The following GPR83 variants were observed in gnomAD, a reference collection of about 807,000 sequenced individuals.
GPR83 encodes the protein G protein-coupled receptor 83.
A neutral mutation model predicts 28.0 loss-of-function variants in GPR83; 23 were observed. The observed-to-expected ratio is 0.82, with a 90% CI of 0.59 to 1.16. GPR83 has a LOEUF of 1.16. Ranked by LOEUF, GPR83 falls within the 50% of genes most tolerant of loss-of-function variation. The pLI is 0.00. For synonymous variants in GPR83, 234 were observed against 215.4 expected (o/e 1.09, Z -0.76); for missense variants, 610 against 536.6 (o/e 1.14, Z -1.35).
intron 3 of GPR83, among the ~76,000 whole-genome samples, chr11:94,389,873 A>G (rs1472442014): frequency 6.6e-6 from 1 of 152,234 alleles, no homozygotes; most frequent in African/African-American, 2.4e-5. Context: ...ATGCAGACGT[A>G]TGATTATTGC....
intron 3 of GPR83, among the ~76,000 whole-genome samples, chr11:94,391,304 A>G (rs1944814538): frequency 6.6e-6 from 1 of 152,128 alleles, no homozygotes. Flanking sequence ...CCCTCTTTAC[A>G]CCTTATACAA....
rs1944815899 is a variant in GPR83, at chr11:94,391,455, C to G, written c.647+2030G>C. Among the ~76,000 whole-genome samples, 4 of 152,188 alleles carry G rather than the reference C, an allele frequency of 2.6e-5. No individual in the cohort carries two copies. In the South Asian group the frequency reaches 8.3e-4, roughly 32 times the overall value. On this transcript the variant is annotated intron_variant, in intron 3 of 3. Transcript: ENST00000243673. ...ATACCAAAAGCAATGGCAACAAAAG[C>G]CTAAATAGACAAATGGGATCTAATT...
chr11:94,393,232 T>C (rs1213784631), intron 3 of GPR83, among the ~76,000 whole-genome samples: 1 of 152,168 alleles, frequency 6.6e-6, no homozygotes, highest in Non-Finnish European at 1.5e-5. Flanking sequence ...CTGATAATTA[T>C]TGCTTTGTCC....
At chr11:94,395,402 C>T (rs1257377344) in intron 2 of GPR83, among the ~76,000 whole-genome samples, 1 of 152,196 alleles carries the variant, frequency 6.6e-6, no homozygotes, top group African/African-American at 2.4e-5. Context: ...CCTCATAATA[C>T]TGGCCTTGTA....
In GPR83 at chr11:94,380,532, C is replaced by G. The variant is rs774105447; in HGVS notation, c.889G>C (p.Val297Leu). The G allele has an allele frequency of 1.2e-6, 2 of 1,614,196 alleles. No homozygotes were observed. The highest frequency in any genetic ancestry group is 2.2e-5 in the East Asian group (1 of 44,886). ...KKKTIKMLML[V>L]VVLFALCWFP... Reference sequence around the variant, plus strand: ...CAGCAGAGGGCAAAGAGGACTACCACCAGCATCAACATCTTGATGGTCTTC... The same window carrying G: ...CAGCAGAGGGCAAAGAGGACTACCAGCAGCATCAACATCTTGATGGTCTTC... The change falls in exon 4 of 4, where the codon GTG becomes CTG. Residue 297 changes from valine to leucine, a missense_variant. Coordinates refer to ENST00000243673, the MANE Select transcript of GPR83 (RefSeq NM_016540.4).
chr11:94,387,686 A>G (rs1312877309), intron 3 of GPR83, among the ~76,000 whole-genome samples: 2 of 152,196 alleles, frequency 1.3e-5, no homozygotes, highest in East Asian at 3.8e-4. Context: ...GCAATAATTA[A>G]TAGCCTACCA....
At chr11:94,398,287 A>C (rs1283905395) in intron 1 of GPR83, among the ~76,000 whole-genome samples, 1 of 152,100 alleles carries the variant, frequency 6.6e-6, no homozygotes, top group African/African-American at 2.4e-5. Flanking sequence ...CAGAGTATCC[A>C]GGCCCCTTCA....
At chr11:94,394,433 A>G (rs954123807) in intron 2 of GPR83, among the ~76,000 whole-genome samples, 1 of 152,224 alleles carries the variant, frequency 6.6e-6, no homozygotes, top group Non-Finnish European at 1.5e-5. Flanking sequence ...ACTGTATATC[A>G]ATCAATTATC....
Position 94,388,685 on chromosome 11 carries a change from A to C in GPR83, c.647+4800T>G, listed in dbSNP as rs1944783744. Among the ~76,000 whole-genome samples the C allele has an allele frequency of 2.6e-5, 4 of 152,230 alleles. No homozygotes were observed. The South Asian group carries it at 8.3e-4, about 31-fold the overall frequency. ...AAGGAAATAAAAGAGGATACAAACA[A>C]ATGGAAGAATATTCCATGCTCGTGG... is the stretch of plus-strand genomic sequence containing the variant. On this transcript the variant is annotated intron_variant, in intron 3 of 3. Coordinates refer to ENST00000243673, the MANE Select transcript of GPR83 (RefSeq NM_016540.4).
At position 94,384,713 on chromosome 11, in the gene GPR83, G is replaced by C. The variant is rs889343864; in HGVS notation, c.648-3940C>G. On this transcript the variant is annotated intron_variant, in intron 3 of 3. Transcript: ENST00000243673. ...ACAAAGCGGCCAGGAAGCTTGAATT[G>C]GGTGGAGCCCACTGCAGCTCAAGGA... is the stretch of plus-strand genomic sequence containing the variant. Among the ~76,000 whole-genome samples, 243 of 152,222 alleles carry C rather than the reference G, an allele frequency of 1.6e-3. 3 individuals carry two copies. Among genetic ancestry groups the C allele is most frequent in the Admixed American group, 0.016 (242 of 15,282 alleles).
chr11:94,389,200 A>G (rs1944789696), intron 3 of GPR83, among the ~76,000 whole-genome samples: 1 of 152,230 alleles, frequency 6.6e-6, no homozygotes, highest in African/African-American at 2.4e-5. Flanking sequence ...CTTAAATGTT[A>G]GACCTAAAAC....
chr11:94,389,619 G>C (rs1193809597), intron 3 of GPR83, among the ~76,000 whole-genome samples: 3 of 152,190 alleles, frequency 2.0e-5, no homozygotes, highest in Non-Finnish European at 4.4e-5. Context: ...ACCACAATGA[G>C]ATACCATCTC....
At chr11:94,394,878 T>C (rs1414457464) in intron 2 of GPR83, among the ~76,000 whole-genome samples, 1 of 152,214 alleles carries the variant, frequency 6.6e-6, no homozygotes, top group Non-Finnish European at 1.5e-5. Flanking sequence ...AGCAAGGCTT[T>C]GCCCCCACTC....
intron 3 of GPR83, among the ~76,000 whole-genome samples, chr11:94,389,855 A>G (rs1273586643): frequency 6.6e-6 from 1 of 152,250 alleles, no homozygotes; most frequent in Non-Finnish European, 1.5e-5. Flanking sequence ...CTGCTGCTAT[A>G]AAGACACATG....
intron 3 of GPR83, among the ~76,000 whole-genome samples, chr11:94,383,073 G>A (rs566318906): frequency 1.3e-5 from 2 of 151,842 alleles, no homozygotes; most frequent in Non-Finnish European, 2.9e-5. Context: ...GAGGCTGAGG[G>A]AGGAGAGGTG....
chr11:94,382,977 A>T (rs532127673), intron 3 of GPR83, among the ~76,000 whole-genome samples: 1 of 152,002 alleles, frequency 6.6e-6, no homozygotes, highest in South Asian at 2.1e-4. Flanking sequence ...ATCCCGGCTA[A>T]CACAGTGAAA....
chr11:94,392,395 C>T (rs1351781589), intron 3 of GPR83, among the ~76,000 whole-genome samples: 1 of 151,968 alleles, frequency 6.6e-6, no homozygotes, highest in African/African-American at 2.4e-5. Flanking sequence ...ATGGGTGCAG[C>T]AAACCACCAT....
At chr11:94,398,302 C>A (rs1434003049) in intron 1 of GPR83, among the ~76,000 whole-genome samples, 1 of 152,140 alleles carries the variant, frequency 6.6e-6, no homozygotes, top group African/African-American at 2.4e-5. Context: ...CCTTCACAAC[C>A]TGGCCCCGCC....
chr11:94,389,518 C>T (rs1244768439), intron 3 of GPR83, among the ~76,000 whole-genome samples: 7 of 152,272 alleles, frequency 4.6e-5, no homozygotes, highest in South Asian at 4.1e-4. Flanking sequence ...AGGATATGAA[C>T]CAACACTTCT....
Sources: allele counts gnomAD v4.1 joint callset (sites outside exome capture counted in the v4.1 genomes callset), GRCh38; gene constraint gnomAD v4.1.1; transcripts MANE v1.5; gene names NCBI Gene and HGNC (gene_info 2026-07-23, HGNC 2026-07-21).